The following LINGO1 variants were observed in gnomAD, a reference collection of about 807,000 sequenced individuals.
The protein encoded by LINGO1 is leucine rich repeat and Ig domain containing 1, also known as leucine-rich repeat and immunoglobulin-like domain-containing nogo receptor-interacting protein 1.
In LINGO1, 11 loss-of-function variants were observed where a neutral mutation model predicts 37.3. That is an observed-to-expected ratio of 0.29 (90% CI 0.19 to 0.49). LINGO1 has a LOEUF of 0.49. Among genes scored for constraint, LINGO1 ranks in the 20% least tolerant of loss-of-function variants. The pLI is 0.99. For synonymous variants in LINGO1, 387 were observed against 403.0 expected (o/e 0.96, Z 0.48); for missense variants, 585 against 878.2 (o/e 0.67, Z 4.22).
chr15:77,639,999 C>T (rs1246033421), intron 3 of LINGO1, among the ~76,000 whole-genome samples: 1 of 152,152 alleles, frequency 6.6e-6, no homozygotes, highest in Non-Finnish European at 1.5e-5. Flanking sequence ...GCTATGGGCT[C>T]CCTTCTATTA....
intron 2 of LINGO1, among the ~76,000 whole-genome samples, chr15:77,712,381 G>A (rs2075928813): frequency 6.6e-6 from 1 of 151,864 alleles, no homozygotes; most frequent in Non-Finnish European, 1.5e-5. Flanking sequence ...TGGTCCATCA[G>A]CATAATGGAT....
chr15:77,652,954 T>C (rs2074793874), intron 3 of LINGO1, among the ~76,000 whole-genome samples: 1 of 152,158 alleles, frequency 6.6e-6, no homozygotes, highest in African/African-American at 2.4e-5. Flanking sequence ...CCAGTGGGTG[T>C]AGGGCCACAC....
At chr15:77,806,042 C>A (rs1362957776) in intron 1 of LINGO1, among the ~76,000 whole-genome samples, 2 of 152,192 alleles carry the variant, frequency 1.3e-5, no homozygotes, top group African/African-American at 4.8e-5. Context: ...TCCACCTCTC[C>A]TCGGCAGCTA....
chr15:77,737,725 C>A (rs1049988631), intron 1 of LINGO1, among the ~76,000 whole-genome samples: 1 of 151,800 alleles, frequency 6.6e-6, no homozygotes, highest in South Asian at 2.1e-4. Flanking sequence ...CAGCATCTGA[C>A]ATGGCTGATT....
chr15:77,775,208 C>T (rs2076625323), intron 1 of LINGO1, among the ~76,000 whole-genome samples: 1 of 152,152 alleles, frequency 6.6e-6, no homozygotes, highest in Non-Finnish European at 1.5e-5. Context: ...TTCAAGCCCC[C>T]ACTTGATGAT....
intron 2 of LINGO1, among the ~76,000 whole-genome samples, chr15:77,718,135 C>T (rs887394614): frequency 4.0e-5 from 6 of 150,844 alleles, no homozygotes; most frequent in Non-Finnish European, 8.9e-5. Context: ...ATCACTGACT[C>T]GCTACCACCC....
intron 1 of LINGO1, among the ~76,000 whole-genome samples, chr15:77,757,141 T>G (rs2076428452): frequency 6.6e-6 from 1 of 152,216 alleles, no homozygotes; most frequent in African/African-American, 2.4e-5. Flanking sequence ...TCCCCACCAG[T>G]GTCAGTGTCC....
Position 77,721,534 on chromosome 15 carries a change from CTTTA to C in LINGO1, c.-195+13454_-195+13457del, listed in dbSNP as rs2076049938. Reference sequence around the variant, plus strand: ...GCAGCTTCACGACATTGTTGGCATTCTTTATTTGTCACCTCCATTCAACTACAGA... The same window carrying C: ...GCAGCTTCACGACATTGTTGGCATTCTTTGTCACCTCCATTCAACTACAGA... On this transcript the variant is annotated intron_variant, in intron 2 of 3. Transcript: ENST00000561686. Among the ~76,000 whole-genome samples, 7 of 152,322 alleles carry C rather than the reference CTTTA, an allele frequency of 4.6e-5. No individual in the cohort carries two copies. The South Asian group carries it at 1.5e-3, about 32-fold the overall frequency.
At chr15:77,802,189 G>A (rs2076925213) in intron 1 of LINGO1, among the ~76,000 whole-genome samples, 1 of 152,100 alleles carries the variant, frequency 6.6e-6, no homozygotes, top group African/African-American at 2.4e-5. Flanking sequence ...TACAGATAGA[G>A]GGCACATGTG....
Position 77,722,766 on chromosome 15 carries a change from G to A in LINGO1, c.-195+12226C>T, listed in dbSNP as rs138774951. ...GTGGTGGAGAGTGCGTGGGTGTAGAGGAAAGAGGGCTGGTCATAAGTTGGT... is the reference window on the plus strand; with the variant it reads ...GTGGTGGAGAGTGCGTGGGTGTAGAAGAAAGAGGGCTGGTCATAAGTTGGT... On this transcript the variant is annotated intron_variant, in intron 2 of 3. Coordinates refer to the LINGO1 transcript ENST00000561686. Among the ~76,000 whole-genome samples, 217 of 152,244 alleles carry A rather than the reference G, an allele frequency of 1.4e-3. 3 individuals carry two copies. Among genetic ancestry groups the A allele is most frequent in the Middle Eastern group, 6.8e-3 (2 of 294 alleles).
chr15:77,733,963 C>G (rs766365635), intron 2 of LINGO1, among the ~76,000 whole-genome samples: 7 of 152,208 alleles, frequency 4.6e-5, no homozygotes, highest in Non-Finnish European at 8.8e-5. Context: ...CCAGGCTCTT[C>G]GTACTTGGCC....
chr15:77,694,081 G>A (rs965922489), intron 1 of LINGO1, among the ~76,000 whole-genome samples: 1 of 152,048 alleles, frequency 6.6e-6, no homozygotes, highest in African/African-American at 2.4e-5. Context: ...TGTTGGGTGG[G>A]GATTTGCACT....
chr15:77,793,077 C>T (rs537578938), intron 2 of LINGO1, among the ~76,000 whole-genome samples: 2 of 152,294 alleles, frequency 1.3e-5, no homozygotes, highest in African/African-American at 2.4e-5. Flanking sequence ...ATAAGCCACC[C>T]CCCAGTGAGG....
rs557940713 is a variant in LINGO1, at chr15:77,658,638, G to A, written c.-13+18451C>T. 1.5e-3 allele frequency among the ~76,000 whole-genome samples: 226 copies of A among 152,320 alleles called. 1 individual carries two copies. Among genetic ancestry groups the A allele is most frequent in the African/African-American group, 5.2e-3 (215 of 41,574 alleles). ...GCAGTAGGGACTGGAAAGAAATGAGGGTGACCAATCATCCCCATTTGTCTG... is the reference window on the plus strand; with the variant it reads ...GCAGTAGGGACTGGAAAGAAATGAGAGTGACCAATCATCCCCATTTGTCTG... On this transcript the variant is annotated intron_variant, in intron 3 of 3. Coordinates refer to the LINGO1 transcript ENST00000559893.
intron 3 of LINGO1, among the ~76,000 whole-genome samples, chr15:77,665,220 C>T (rs896496254): frequency 4.6e-5 from 7 of 152,226 alleles, no homozygotes; most frequent in Admixed American, 4.6e-4. Flanking sequence ...TCTGCCAGCA[C>T]TCAAGGCCCC....
chr15:77,665,028 G>A (rs923010073), intron 3 of LINGO1, among the ~76,000 whole-genome samples: 1 of 152,100 alleles, frequency 6.6e-6, no homozygotes, highest in African/African-American at 2.4e-5. Flanking sequence ...AGAGGTGGGC[G>A]CACATCTTGG....
intron 3 of LINGO1, among the ~76,000 whole-genome samples, chr15:77,664,441 C>G (rs2075084465): frequency 6.6e-6 from 1 of 151,950 alleles, no homozygotes. Flanking sequence ...CAAGCCCTGA[C>G]CCCATCCTCT....
At chr15:77,810,915 C>T (rs2077000300) in intron 1 of LINGO1, among the ~76,000 whole-genome samples, 1 of 152,168 alleles carries the variant, frequency 6.6e-6, no homozygotes, top group Non-Finnish European at 1.5e-5. Flanking sequence ...CAAAGGAGAG[C>T]TCCTCAGTAG....
chr15:77,629,915 G>T (rs1269998912), intron 1 of LINGO1, among the ~76,000 whole-genome samples: 1 of 152,138 alleles, frequency 6.6e-6, no homozygotes, highest in African/African-American at 2.4e-5. Context: ...AGCAGGCAGA[G>T]AGGCTTCTTG....
Sources: allele counts gnomAD v4.1 joint callset (sites outside exome capture counted in the v4.1 genomes callset), GRCh38; gene constraint gnomAD v4.1.1; transcripts MANE v1.5; gene names NCBI Gene and HGNC (gene_info 2026-07-23, HGNC 2026-07-21).